SIPA1L2: variants seen among roughly 807,000 people sequenced by gnomAD.
SIPA1L2 encodes the protein signal-induced proliferation-associated 1-like protein 2.
Under a neutral mutation model 163.9 loss-of-function variants are expected in SIPA1L2, and 56 were observed. The observed-to-expected ratio is 0.34, with a 90% CI of 0.28 to 0.43. The LOEUF (loss-of-function observed/expected upper bound fraction) is 0.43. Ranked by LOEUF, SIPA1L2 falls within the 20% of genes least tolerant of loss-of-function variation. The pLI is 1.00. For synonymous variants in SIPA1L2, 877 were observed against 865.7 expected (o/e 1.01, Z -0.23); for missense variants, 1,974 against 2,193.5 (o/e 0.90, Z 2.00).
At chr1:232,503,710 G>C (rs1221123880) in intron 3 of SIPA1L2, among the ~76,000 whole-genome samples, 1 of 152,240 alleles carries the variant, frequency 6.6e-6, no homozygotes, top group African/African-American at 2.4e-5. Context: ...TCAACCACTA[G>C]TTGATCATTT....
intron 1 of SIPA1L2, among the ~76,000 whole-genome samples, chr1:232,588,156 T>C (rs1660769212): frequency 6.6e-6 from 1 of 152,196 alleles, no homozygotes; most frequent in African/African-American, 2.4e-5. Flanking sequence ...TTGCAGCATA[T>C]ACTGGTGGCT....
In SIPA1L2 at chr1:232,483,904, C is replaced by T. The variant is rs776689598; in HGVS notation, c.1869G>A (p.Glu623=). Residue 623 remains glutamate, a synonymous_variant, in exon 6 of 23, where the codon GAG becomes GAA. Transcript: ENST00000674635. The part of the protein sequence containing the change: ...YCKAGQSTEE[E]MYNNETAGPA... ...GTCCCGCCGTCTCATTGTTATACAT[C>T]TCTTCCTCTGTGCTCTGGCCTGCTT... 8.7e-6 allele frequency: 14 copies of T among 1,614,090 alleles called. No homozygotes were observed. The highest frequency in any genetic ancestry group is 1.2e-5 in the Non-Finnish European group (14 of 1,179,980).
At chr1:232,569,188 T>C (rs1346033779) in intron 2 of SIPA1L2, among the ~76,000 whole-genome samples, 1 of 152,246 alleles carries the variant, frequency 6.6e-6, no homozygotes, top group Non-Finnish European at 1.5e-5. Context: ...AATAAAATGT[T>C]TCAAAACATA....
chr1:232,479,589 T>A (rs143426860), intron 7 of SIPA1L2, 38 bp downstream of exon 7: 13 of 1,540,136 alleles, frequency 8.4e-6, no homozygotes, highest in East Asian at 4.5e-5. Context: ...TCAGATTTCA[T>A]ACTCAGCGTA....
At chr1:232,449,984 C>A (rs1361048844) in intron 10 of SIPA1L2, among the ~76,000 whole-genome samples, 1 of 152,148 alleles carries the variant, frequency 6.6e-6, no homozygotes, top group Non-Finnish European at 1.5e-5. Flanking sequence ...AAATAAAAAA[C>A]AACATCCTAA....
At chr1:232,436,768 T>C (rs1662588400) in intron 15 of SIPA1L2, among the ~76,000 whole-genome samples, 1 of 152,142 alleles carries the variant, frequency 6.6e-6, no homozygotes, top group Admixed American at 6.5e-5. Flanking sequence ...ATCCCATCCC[T>C]CCTCCTCGCC....
Position 232,460,856 on chromosome 1 carries a change from G to A in SIPA1L2, c.3095+31C>T, listed in dbSNP as rs10157756. On this transcript the variant is annotated intron_variant, in intron 10 of 22. Transcript: ENST00000674635. The stretch of plus-strand genomic sequence containing the variant: ...CACCTGCTACAGAGGCAAAGGAGGA[G>A]TGAGCATTACTTGGGCCTCCCACGC... 612 of 1,600,202 alleles carry A rather than the reference G, an allele frequency of 3.8e-4. 4 individuals are homozygous for A. The African/African-American group carries it at 7.4e-3, about 19-fold the overall frequency.
At chr1:232,505,604 T>C (rs1300636328) in intron 3 of SIPA1L2, among the ~76,000 whole-genome samples, 14 of 152,130 alleles carry the variant, frequency 9.2e-5, no homozygotes, top group Admixed American at 9.2e-4. Flanking sequence ...ATGGGAACTG[T>C]GACTGTCCAG....
intron 1 of SIPA1L2, among the ~76,000 whole-genome samples, chr1:232,608,050 A>AAAAAAACAAAAC (rs1662043776): frequency 1.6e-5 from 1 of 62,458 alleles, no homozygotes; most frequent in African/African-American, 4.6e-5. Context: ...TCCATCTCAA[A>AAAAAAACAAAAC]AAAAAAAAAA....
intron 22 of SIPA1L2, 84 bp from the exon 23 acceptor site, chr1:232,399,357 T>A (rs1361602141): frequency 3.6e-5 from 53 of 1,459,442 alleles, no homozygotes; most frequent in Non-Finnish European, 4.8e-5. Context: ...AATCTTTGAT[T>A]CTTATTTTTA....
In SIPA1L2 at chr1:232,399,226, T is replaced by C. The variant is rs1339709710; in HGVS notation, c.5070A>G (p.Arg1690=). 1 of 1,613,764 alleles carries C rather than the reference T, an allele frequency of 6.2e-7. No homozygotes were observed. The highest frequency in any genetic ancestry group is 1.1e-5 in the South Asian group (1 of 91,054). ...CCTCCTGCAGTCTCATGTTGTCCTGTCTCAGGTGCTGCACTTCTGCTTGGA... is the reference window on the plus strand; with the variant it reads ...CCTCCTGCAGTCTCATGTTGTCCTGCCTCAGGTGCTGCACTTCTGCTTGGA... ...AVLQAEVQHL[R]QDNMRLQEES... Residue 1690 remains arginine (R), a synonymous_variant, in exon 23 of 23, where the codon AGA becomes AGG. Transcript: ENST00000674635.
intron 10 of SIPA1L2, 90 bp from the exon 11 acceptor site, chr1:232,445,876 C>T (rs917901772): frequency 2.8e-5 from 40 of 1,435,442 alleles, no homozygotes; most frequent in South Asian, 3.9e-5. Flanking sequence ...CAACACACAT[C>T]ACATGGTGTG....
chr1:232,419,199 G>A (rs986297733), intron 18 of SIPA1L2, among the ~76,000 whole-genome samples: 2 of 152,088 alleles, frequency 1.3e-5, no homozygotes, highest in African/African-American at 2.4e-5. Context: ...ATGAAAATAT[G>A]GGGATTTAAA....
intron 2 of SIPA1L2, among the ~76,000 whole-genome samples, chr1:232,547,089 T>TA (rs762586466): frequency 7.2e-5 from 11 of 152,160 alleles, no homozygotes; most frequent in Non-Finnish European, 1.3e-4. Context: ...CTAATACTAG[T>TA]AATACCATAA....
intron 1 of SIPA1L2, among the ~76,000 whole-genome samples, chr1:232,586,868 CA>C (rs1660682729): frequency 6.6e-6 from 1 of 152,194 alleles, no homozygotes; most frequent in South Asian, 2.1e-4. Context: ...CATTCCCAAT[CA>C]GGGGAAAGAA....
At chr1:232,462,814 G>C (rs1204546975) in intron 9 of SIPA1L2, among the ~76,000 whole-genome samples, 1 of 152,200 alleles carries the variant, frequency 6.6e-6, no homozygotes, top group Non-Finnish European at 1.5e-5. Flanking sequence ...TATTGGCTGA[G>C]CCTTTCCAGA....
chr1:232,444,529 G>T (rs1252565354), intron 11 of SIPA1L2, among the ~76,000 whole-genome samples: 2 of 152,154 alleles, frequency 1.3e-5, no homozygotes, highest in Non-Finnish European at 2.9e-5. Flanking sequence ...ACTCTGGAAA[G>T]AATAAAAATT....
At chr1:232,426,328 A>G (rs79095908) in intron 17 of SIPA1L2, among the ~76,000 whole-genome samples, 1,794 of 152,318 alleles carry the variant, frequency 0.012, 20 homozygotes, top group Admixed American at 0.036. Flanking sequence ...ATTTCCAAAA[A>G]TCAGCAGCAG....
intron 2 of SIPA1L2, among the ~76,000 whole-genome samples, chr1:232,540,497 T>G (rs1377483792): frequency 6.6e-6 from 1 of 152,042 alleles, no homozygotes; most frequent in Non-Finnish European, 1.5e-5. Context: ...CCCCTCTGAA[T>G]GAGGGAAGGA....
Sources: allele counts gnomAD v4.1 joint callset (sites outside exome capture counted in the v4.1 genomes callset), GRCh38; gene constraint gnomAD v4.1.1; transcripts MANE v1.5; gene names NCBI Gene and HGNC (gene_info 2026-07-23, HGNC 2026-07-21).